Variants in DMD observed in about 807,000 individuals in gnomAD.
DMD encodes mutant dystrophin.
In DMD, 63 loss-of-function variants were observed where a neutral mutation model predicts 330.1. The ratio of observed to expected loss-of-function variants is 0.19; its 90% CI spans 0.16 to 0.24. The LOEUF (loss-of-function observed/expected upper bound fraction) is 0.24. DMD is among the 10% of genes least tolerant of loss of function. The pLI, the probability that DMD is intolerant of heterozygous loss-of-function variation, is 1.00. For missense variants in DMD, 3,344 were observed against 2,684.1 expected, an observed-to-expected ratio of 1.25 and a Z score of -5.43; for synonymous variants, 1,223 against 959.8, an observed-to-expected ratio of 1.27 and a Z score of -5.07.
chrX:32,998,942 G>A (rs1043165563), intron 2 of DMD, among the ~76,000 whole-genome samples: 6 of 111,766 alleles, frequency 5.4e-5, no homozygotes, highest in Admixed American at 4.8e-4. Flanking sequence ...TAGTTTATAG[G>A]CTAATAATGG....
At chrX:33,311,172 T>C (rs2148947714) in intron 1 of DMD, among the ~76,000 whole-genome samples, 1 of 110,085 alleles carries the variant, frequency 9.1e-6, no homozygotes, top group African/African-American at 3.3e-5. Flanking sequence ...AATATATAGA[T>C]ACACATATGT....
intron 52 of DMD, among the ~76,000 whole-genome samples, chrX:31,728,974 G>A (rs1033274216): frequency 9.9e-5 from 11 of 110,843 alleles, no homozygotes; most frequent in Non-Finnish European, 1.9e-4. Context: ...CTACTCCTTC[G>A]TCTGTCACTC....
chrX:32,698,061 A>G, intron 8 of DMD, 63 bp from the exon 9 acceptor site: 1 of 1,094,394 alleles, frequency 9.1e-7, no homozygotes, highest in Non-Finnish European at 1.2e-6. Context: ...GTAACCCGAA[A>G]GGACTACTTT....
chrX:31,895,903 C>T (rs2094324905), intron 47 of DMD, among the ~76,000 whole-genome samples: 1 of 112,021 alleles, frequency 8.9e-6, no homozygotes, highest in Non-Finnish European at 1.9e-5. Context: ...TTCTTTCACT[C>T]TTACATTTGA....
chrX:31,328,811 T>C (rs1162184728), intron 61 of DMD, among the ~76,000 whole-genome samples: 2 of 104,004 alleles, frequency 1.9e-5, no homozygotes, highest in Admixed American at 9.8e-5. Context: ...CTATGATGTG[T>C]TGTCTGAATG....
At chrX:31,316,421 G>C (rs7892810) in intron 62 of DMD, among the ~76,000 whole-genome samples, 12,583 of 111,456 alleles carry the variant, frequency 0.11, 1,717 homozygotes, top group African/African-American at 0.38. Context: ...GATAACAACA[G>C]CTATCCTCCT....
chrX:31,463,943 G>T (rs1236594031), intron 59 of DMD, among the ~76,000 whole-genome samples: 1 of 111,535 alleles, frequency 9.0e-6, no homozygotes, highest in African/African-American at 3.3e-5. Context: ...ATGAATGAGT[G>T]CATTTGTATA....
intron 62 of DMD, among the ~76,000 whole-genome samples, chrX:31,316,431 T>C (rs1277407615): frequency 8.9e-6 from 1 of 111,928 alleles, no homozygotes; most frequent in Non-Finnish European, 1.9e-5. Flanking sequence ...GCTATCCTCC[T>C]GGAGTCTGTT....
chrX:31,811,772 C>A (rs1297403040), intron 50 of DMD, among the ~76,000 whole-genome samples: 1 of 111,240 alleles, frequency 9.0e-6, no homozygotes, highest in Non-Finnish European at 1.9e-5. Context: ...AAAGATTTGG[C>A]CTCACGGAAA....
chrX:33,153,716 T>G (rs2048378575), intron 1 of DMD, among the ~76,000 whole-genome samples: 1 of 112,597 alleles, frequency 8.9e-6, no homozygotes, highest in Admixed American at 9.4e-5. Flanking sequence ...CTCACTTCTT[T>G]ACCTTTGTTA....
At chrX:33,109,423 C>T (rs1329428390) in intron 1 of DMD, among the ~76,000 whole-genome samples, 4 of 111,904 alleles carry the variant, frequency 3.6e-5, no homozygotes, top group African/African-American at 1.3e-4. Flanking sequence ...TTCTTTAAAT[C>T]ATAGTTGTTT....
At chrX:32,248,305 C>CA (rs1399746603) in intron 43 of DMD, among the ~76,000 whole-genome samples, 1 of 110,988 alleles carries the variant, frequency 9.0e-6, no homozygotes. Flanking sequence ...AGGAGATTTA[C>CA]AAAAAAGGCA....
intron 77 of DMD, among the ~76,000 whole-genome samples, chrX:31,133,836 C>T (rs760782848): frequency 1.2e-4 from 14 of 112,255 alleles, no homozygotes; most frequent in Non-Finnish European, 1.9e-4. Flanking sequence ...ACTCTTCAGA[C>T]TAATGTGTGA....
chrX:31,624,190 G>A (rs922549117), intron 55 of DMD, among the ~76,000 whole-genome samples: 1 of 111,470 alleles, frequency 9.0e-6, no homozygotes, highest in Non-Finnish European at 1.9e-5. Context: ...TTTGTATGGC[G>A]TTCTATAAAA....
chrX:32,944,130 G>A (rs145878645), intron 2 of DMD, among the ~76,000 whole-genome samples: 1,701 of 111,537 alleles, frequency 0.015, 29 homozygotes, highest in African/African-American at 0.052. Context: ...TCTGTGTCTG[G>A]TTCATTTCAC....
chrX:32,944,687 C>T (rs2090670161), intron 2 of DMD, among the ~76,000 whole-genome samples: 1 of 108,622 alleles, frequency 9.2e-6, no homozygotes, highest in Non-Finnish European at 1.9e-5. Flanking sequence ...TCACTGCAAC[C>T]TCTGCCTCCC....
intron 1 of DMD, among the ~76,000 whole-genome samples, chrX:33,065,303 A>C (rs758839007): frequency 1.8e-5 from 2 of 112,743 alleles, no homozygotes; most frequent in East Asian, 5.6e-4. Context: ...ATGACCATAA[A>C]TATTTGTGCT....
At position 32,705,856 on chromosome X, in the gene DMD, G is replaced by C. The variant is rs921127408; in HGVS notation, c.650-6563C>G. On this transcript the variant is annotated intron_variant, in intron 7 of 78. Coordinates refer to ENST00000357033, the MANE Select transcript of DMD (RefSeq NM_004006.3). ...ATCTAGAACTAGAAATACCATTTGA[G>C]CCAGCCATCCCATTACTGGGTATAT... Among the ~76,000 whole-genome samples, 11 of 110,404 alleles carry C rather than the reference G, an allele frequency of 1.0e-4. No individual in the cohort carries two copies. The East Asian group carries it at 1.4e-3, about 14-fold the overall frequency.
At chrX:31,889,187 T>C (rs1366127626) in intron 47 of DMD, among the ~76,000 whole-genome samples, 1 of 112,356 alleles carries the variant, frequency 8.9e-6, no homozygotes, top group Non-Finnish European at 1.9e-5. Context: ...CTTGGAGAAC[T>C]CTGCCCTTAT....
Sources: allele counts gnomAD v4.1 joint callset (sites outside exome capture counted in the v4.1 genomes callset), GRCh38; gene constraint gnomAD v4.1.1; transcripts MANE v1.5; gene names NCBI Gene and HGNC (gene_info 2026-07-23, HGNC 2026-07-21).